NBPF11: variants seen among roughly 807,000 people sequenced by gnomAD.
NBPF11 encodes NBPF member 11.
In NBPF11, 72 loss-of-function variants were observed where a neutral mutation model predicts 93.9. The ratio of observed to expected loss-of-function variants is 0.77; its 90% CI spans 0.63 to 0.93. The LOEUF (loss-of-function observed/expected upper bound fraction) is 0.93. NBPF11 is among the 40% of genes least tolerant of loss of function. The probability of loss-of-function intolerance (pLI) is 0.00; values close to 1 mark genes in which losing one functional copy is unlikely to be tolerated. For missense variants in NBPF11, 705 were observed against 802.2 expected (o/e 0.88, Z 1.46); for synonymous variants, 224 against 304.9 (o/e 0.73, Z 2.76).
At chr1:148,146,612 G>C (rs1184367002) in intron 1 of NBPF11, 13 of 1,610,706 alleles carry the variant, frequency 8.1e-6, no homozygotes, top group Admixed American at 3.3e-5. Flanking sequence ...CTGACGGAGC[G>C]TGCCGACTTC....
intron 5 of NBPF11, among the ~76,000 whole-genome samples, chr1:148,125,675 A>T (rs1186872307): frequency 6.6e-6 from 1 of 152,090 alleles, no homozygotes; most frequent in African/African-American, 2.4e-5. Flanking sequence ...GAACTAATAG[A>T]TAGTGTTTAC....
In NBPF11 at chr1:148,149,505, G is replaced by A. The variant is rs1647716926; in HGVS notation, c.-549+2245C>T. ...GGGCACAACGACATCGAGCTCTACAGCCAGTACCTGGAGCGCCTGCGTCGC... is the reference window on the plus strand; with the variant it reads ...GGGCACAACGACATCGAGCTCTACAACCAGTACCTGGAGCGCCTGCGTCGC... On this transcript the variant is annotated intron_variant, in intron 1 of 23. Coordinates refer to ENST00000682118, the MANE Select transcript of NBPF11 (RefSeq NM_001385469.3). 4.4e-6 allele frequency: 7 copies of A among 1,593,344 alleles called. No individual in the cohort carries two copies. The Admixed American group carries it at 1.0e-4, about 23-fold the overall frequency.
chr1:148,128,927 C>A (rs1359965254), intron 4 of NBPF11, among the ~76,000 whole-genome samples: 7 of 146,030 alleles, frequency 4.8e-5, no homozygotes, highest in Admixed American at 4.1e-4. Flanking sequence ...CATGTTCTCA[C>A]TCATGGGTGG....
intron 10 of NBPF11, among the ~76,000 whole-genome samples, chr1:148,119,455 G>A (rs1481738625): frequency 6.6e-6 from 1 of 151,922 alleles, no homozygotes; most frequent in Non-Finnish European, 1.5e-5. Flanking sequence ...GAACAGGTGA[G>A]GAAACTGAGG....
intron 11 of NBPF11, among the ~76,000 whole-genome samples, chr1:148,118,018 C>T (rs1188316226): frequency 6.6e-6 from 1 of 151,804 alleles, no homozygotes; most frequent in East Asian, 1.9e-4. Context: ...ATTCATCTTT[C>T]CTTCTGTAAA....
In NBPF11 at chr1:148,151,815, C is replaced by T. The variant is rs1178176458; in HGVS notation, c.-614G>A. 1.3e-5 allele frequency: 2 copies of T among 152,142 alleles called. No homozygotes were observed. The highest frequency in any genetic ancestry group is 2.9e-5 in the Non-Finnish European group (2 of 68,084). 9.4% of individuals were successfully genotyped at this position (152,142 alleles called of 1,614,324 possible). A position where few individuals can be genotyped will look rare whatever the true frequency, so the allele number is the denominator to read the frequency against. ...CCCATCCAGGCTGCAGCCGTGCCGC[C>T]GTACCTCGGCCCCGCTCCTGGCGCC... is the stretch of plus-strand genomic sequence containing the variant. On this transcript the variant is annotated 5_prime_UTR_variant, in exon 1 of 24. Transcript: ENST00000682118.
At chr1:148,150,268 T>C (rs1375898324) in intron 1 of NBPF11, among the ~76,000 whole-genome samples, 1 of 146,560 alleles carries the variant, frequency 6.8e-6, no homozygotes, top group Non-Finnish European at 1.5e-5. Flanking sequence ...CACACACAGC[T>C]AATTTTTGTA....
intron 5 of NBPF11, among the ~76,000 whole-genome samples, chr1:148,126,296 GC>G (rs1387905784): frequency 6.6e-6 from 1 of 151,920 alleles, no homozygotes; most frequent in African/African-American, 2.4e-5. Flanking sequence ...ACGTTGCACG[GC>G]CCCTACTCCC....
In NBPF11 at chr1:148,103,578, C is replaced by T. The variant is rs1662786686; in HGVS notation, c.*318G>A. On this transcript the variant is annotated 3_prime_UTR_variant, in exon 24 of 24. Coordinates refer to ENST00000682118, the MANE Select transcript of NBPF11 (RefSeq NM_001385469.3). ...CCCACTGACCCATCCTATGTCTGGG[C>T]TTCCAAATGGAACTATAGTTTCATT... The T allele has an allele frequency of 2.5e-6, 4 of 1,604,722 alleles. No individual in the cohort carries two copies. Among genetic ancestry groups the T allele is most frequent in the Middle Eastern group, 2.3e-4 (1 of 4,394 alleles).
intron 2 of NBPF11, among the ~76,000 whole-genome samples, chr1:148,142,385 AG>A (rs1356934937): frequency 6.6e-6 from 1 of 151,814 alleles, no homozygotes; most frequent in Non-Finnish European, 1.5e-5. Flanking sequence ...AGAGACACTG[AG>A]TCTTGTCTTT....
chr1:148,106,581 C>T (rs1439609279), intron 20 of NBPF11, among the ~76,000 whole-genome samples: 1 of 140,664 alleles, frequency 7.1e-6, no homozygotes, highest in East Asian at 2.2e-4. Flanking sequence ...AAATGCCCAG[C>T]TCGTTCACGG....
chr1:148,104,342 T>C lies in NBPF11; in HGVS notation c.2581+195A>G, dbSNP rs1214059940. ...CAGCTTTTGAAGTATGGTCCACCTATGGTACGTTAGTAAATGATAAGGGGA... is the reference window on the plus strand; with the variant it reads ...CAGCTTTTGAAGTATGGTCCACCTACGGTACGTTAGTAAATGATAAGGGGA... On this transcript the variant is annotated intron_variant, in intron 23 of 23. Transcript: ENST00000682118. Among the ~76,000 whole-genome samples the C allele has an allele frequency of 5.5e-4, 81 of 146,602 alleles. 2 individuals carry two copies. The highest frequency in any genetic ancestry group is 2.1e-3 in the African/African-American group (80 of 37,598).
At chr1:148,120,913 A>G (rs1328056001) in intron 9 of NBPF11, among the ~76,000 whole-genome samples, 1 of 152,030 alleles carries the variant, frequency 6.6e-6, no homozygotes, top group Non-Finnish European at 1.5e-5. Context: ...ACCAAGACAT[A>G]AACACTTCTA....
chr1:148,103,792 A>C lies in NBPF11; in HGVS notation c.*104T>G. ...GCTGTTCCTCAAATGAGTAAAACACACTTCTGTAGTGCTGGAATGAGTCAG... is the reference window on the plus strand; with the variant it reads ...GCTGTTCCTCAAATGAGTAAAACACCCTTCTGTAGTGCTGGAATGAGTCAG... On this transcript the variant is annotated 3_prime_UTR_variant, in exon 24 of 24. Coordinates refer to ENST00000682118, the MANE Select transcript of NBPF11 (RefSeq NM_001385469.3). The C allele has an allele frequency of 1.2e-6, 2 of 1,611,960 alleles. No homozygotes were observed. The highest frequency in any genetic ancestry group is 1.7e-6 in the Non-Finnish European group (2 of 1,179,484).
chr1:148,137,957 T>TA (rs1671595458), intron 2 of NBPF11, 148 bp from the exon 3 acceptor site: 1 of 120,758 alleles, frequency 8.3e-6, no homozygotes, highest in Non-Finnish European at 1.9e-5. Context: ...GGGACTGGCG[T>TA]TCAGCATACG....
At chr1:148,150,262 C>A (rs1647952927) in intron 1 of NBPF11, among the ~76,000 whole-genome samples, 1 of 146,066 alleles carries the variant, frequency 6.8e-6, no homozygotes, top group African/African-American at 2.6e-5. Context: ...GTTGACCACA[C>A]ACAGCTAATT....
chr1:148,125,470 T>C (rs1438397603), intron 5 of NBPF11, among the ~76,000 whole-genome samples: 1 of 152,072 alleles, frequency 6.6e-6, no homozygotes, highest in African/African-American at 2.4e-5. Flanking sequence ...ATTTCATTTT[T>C]AAATCAATAT....
intron 1 of NBPF11, among the ~76,000 whole-genome samples, chr1:148,145,292 A>ACCT (rs1175458534): frequency 7.1e-6 from 1 of 140,016 alleles, no homozygotes; most frequent in African/African-American, 2.8e-5. Flanking sequence ...GCTCACTGCA[A>ACCT]CCTCCGCCTC....
In NBPF11 at chr1:148,126,970, T is replaced by C; in HGVS notation, c.34A>G (p.Lys12Glu). The change falls in exon 5 of 24, where the codon AAG (lysine) becomes GAG (glutamate). Residue 12 changes from lysine (K) to glutamate (E), a missense_variant. This residue lies in a region of NBPF11 where 128 missense variants were observed against 112.8 expected (regional missense o/e 1.14). Coordinates refer to ENST00000682118, the MANE Select transcript of NBPF11 (RefSeq NM_001385469.3). ...VVSAGPWSSE[K>E]AEMNILEINE... ...ATTTCTAGAATGTTCATCTCTGCCT[T>C]CTCGCTGGACCAAGGGCCGGCTGAT... 1.2e-6 allele frequency: 1 copy of C among 822,478 alleles called. No individual in the cohort carries two copies. Among genetic ancestry groups the C allele is most frequent in the East Asian group, 2.5e-5 (1 of 40,024 alleles). 50.9% of individuals were successfully genotyped at this position (822,478 alleles called of 1,614,324 possible). A position where few individuals can be genotyped will look rare whatever the true frequency, so the allele number is the denominator to read the frequency against.
Sources: allele counts gnomAD v4.1 joint callset (sites outside exome capture counted in the v4.1 genomes callset), GRCh38; gene constraint gnomAD v4.1.1; regional missense constraint gnomAD v4.1.1; transcripts MANE v1.5; gene names NCBI Gene and HGNC (gene_info 2026-07-23, HGNC 2026-07-21).